PTPRB: variants seen among roughly 807,000 people sequenced by gnomAD.
PTPRB encodes the protein receptor-type tyrosine-protein phosphatase beta.
PTPRB carries 97 observed loss-of-function variants against 238.1 expected under a neutral mutation model. The observed-to-expected ratio is 0.41, with a 90% CI of 0.35 to 0.48. The LOEUF (loss-of-function observed/expected upper bound fraction) is 0.48. Among genes scored for constraint, PTPRB ranks in the 20% least tolerant of loss-of-function variants. The probability of loss-of-function intolerance (pLI) is 0.30; values close to 1 mark genes in which losing one functional copy is unlikely to be tolerated. For missense variants in PTPRB, 2,292 were observed against 2,681.9 expected (o/e 0.85, Z 3.21); for synonymous variants, 970 against 995.4 (o/e 0.97, Z 0.48).
intron 27 of PTPRB, 31 bp downstream of exon 27, chr12:70,538,893 A>T: frequency 6.5e-7 from 1 of 1,540,310 alleles, no homozygotes. Context: ...CTAGAGGAAG[A>T]CAGTATTACA....
At chr12:70,572,153 C>G (rs890595867) in intron 11 of PTPRB, 66 bp from the exon 12 acceptor site, 37 of 1,400,344 alleles carry the variant, frequency 2.6e-5, no homozygotes, top group Non-Finnish European at 3.1e-5. Context: ...TCACAGATGA[C>G]AAGCTGGGAC....
chr12:70,612,858 G>A (rs796846527), intron 3 of PTPRB, among the ~76,000 whole-genome samples: 8 of 152,044 alleles, frequency 5.3e-5, no homozygotes, highest in African/African-American at 1.2e-4. Context: ...GCTGTGGTGC[G>A]TGCCTGTAAT....
intron 21 of PTPRB, among the ~76,000 whole-genome samples, chr12:70,551,330 G>A (rs991455640): frequency 1.3e-5 from 2 of 152,208 alleles, no homozygotes; most frequent in African/African-American, 4.8e-5. Context: ...TGACTAAAAA[G>A]TTTGTGTTTG....
intron 10 of PTPRB, among the ~76,000 whole-genome samples, chr12:70,578,719 T>C (rs1297026557): frequency 1.1e-4 from 16 of 152,220 alleles, no homozygotes; most frequent in Non-Finnish European, 2.1e-4. Flanking sequence ...TAGCACAGAC[T>C]AGACTATTTT....
intron 4 of PTPRB, among the ~76,000 whole-genome samples, chr12:70,597,787 T>C (rs1199895641): frequency 6.6e-6 from 1 of 152,120 alleles, no homozygotes; most frequent in Non-Finnish European, 1.5e-5. Flanking sequence ...AATTTACATA[T>C]AAAAGAAATA....
intron 4 of PTPRB, chr12:70,608,846 A>C: frequency 1.6e-6 from 1 of 629,320 alleles, no homozygotes; most frequent in African/African-American, 1.8e-5. Context: ...CGACCCTTTC[A>C]GTAGCTAGTT....
At chr12:70,616,423 C>T (rs1884683650) in intron 3 of PTPRB, among the ~76,000 whole-genome samples, 1 of 152,130 alleles carries the variant, frequency 6.6e-6, no homozygotes, top group Non-Finnish European at 1.5e-5. Context: ...CTCCTTTTTC[C>T]TGCTTTAGAG....
At chr12:70,533,654 C>T (rs187161808) in intron 31 of PTPRB, among the ~76,000 whole-genome samples, 2 of 152,320 alleles carry the variant, frequency 1.3e-5, no homozygotes, top group East Asian at 3.9e-4. Flanking sequence ...ATCTTCAATG[C>T]AACAGTATTA....
At position 70,581,175 on chromosome 12, in the gene PTPRB, G is replaced by A; in HGVS notation, c.2439C>T (p.Val813=). The change falls in exon 10 of 34, where the codon GTC becomes GTT. Residue 813 remains valine (V), a synonymous_variant. Transcript: ENST00000334414. ...CACTGGAGATGCTTTCATTTTTAAT[G>A]ACCACATTTTCATGGATCAGTAAGA... ...YQVLLIHENV[V]IKNESISSET... is the part of the protein sequence containing the mutation. The A allele has an allele frequency of 6.2e-7, 1 of 1,613,976 alleles. No homozygotes were observed. The highest frequency in any genetic ancestry group is 8.5e-7 in the Non-Finnish European group (1 of 1,179,892).
At chr12:70,556,391 A>T (rs1877686281) in intron 18 of PTPRB, among the ~76,000 whole-genome samples, 1 of 152,138 alleles carries the variant, frequency 6.6e-6, no homozygotes, top group Non-Finnish European at 1.5e-5. Flanking sequence ...GAATGCCTTG[A>T]TGGGCTTATT....
Position 70,583,078 on chromosome 12 carries a change from C to T in PTPRB, c.2312-1776G>A, listed in dbSNP as rs139478700. 1.1e-4 allele frequency among the ~76,000 whole-genome samples: 16 copies of T among 152,080 alleles called. No homozygotes were observed. In the East Asian group the frequency reaches 2.3e-3, roughly 22 times the overall value. Reference sequence around the variant, plus strand: ...TACCATGTACTACATGCTGAGAACACGGAGGAAGTGGAAATTTCATACATT... The same window carrying T: ...TACCATGTACTACATGCTGAGAACATGGAGGAAGTGGAAATTTCATACATT... On this transcript the variant is annotated intron_variant, in intron 9 of 33. Coordinates refer to ENST00000334414, the MANE Select transcript of PTPRB (RefSeq NM_001109754.4).
intron 16 of PTPRB, among the ~76,000 whole-genome samples, chr12:70,562,140 C>T (rs538290535): frequency 6.6e-6 from 1 of 152,172 alleles, no homozygotes; most frequent in African/African-American, 2.4e-5. Flanking sequence ...AAAAGTTTGC[C>T]ATGCATGGTG....
intron 4 of PTPRB, among the ~76,000 whole-genome samples, chr12:70,598,480 A>G (rs1470684364): frequency 6.6e-6 from 1 of 152,144 alleles, no homozygotes; most frequent in Non-Finnish European, 1.5e-5. Context: ...TAACAAAGTC[A>G]TGAGACTTTG....
At chr12:70,620,189 C>T (rs765655660) in intron 3 of PTPRB, among the ~76,000 whole-genome samples, 6 of 152,214 alleles carry the variant, frequency 3.9e-5, no homozygotes, top group Non-Finnish European at 7.4e-5. Context: ...CTCATATAAA[C>T]ACTGCAGTGA....
At chr12:70,522,842 G>A (rs185161937) in intron 33 of PTPRB, among the ~76,000 whole-genome samples, 138 of 148,024 alleles carry the variant, frequency 9.3e-4, no homozygotes, top group African/African-American at 3.1e-3. Context: ...CTCAAAAATA[G>A]CATTCTTTTG....
chr12:70,633,516 A>C (rs1185258861), intron 2 of PTPRB, among the ~76,000 whole-genome samples: 1 of 152,072 alleles, frequency 6.6e-6, no homozygotes, highest in Admixed American at 6.6e-5. Context: ...GGAGCAGAAA[A>C]ATATATCTGT....
intron 2 of PTPRB, among the ~76,000 whole-genome samples, chr12:70,628,649 T>G (rs1296375078): frequency 6.6e-6 from 1 of 152,220 alleles, no homozygotes; most frequent in Non-Finnish European, 1.5e-5. Flanking sequence ...GATAGATTCA[T>G]AAAACTTCAA....
At chr12:70,553,456 C>T (rs560820032) in intron 20 of PTPRB, among the ~76,000 whole-genome samples, 14 of 152,244 alleles carry the variant, frequency 9.2e-5, no homozygotes, top group Middle Eastern at 3.4e-3. Context: ...TGTCCTAGGC[C>T]AGAGCAGTCA....
chr12:70,544,605 GCTTTGTGAATTC>G lies in PTPRB; in HGVS notation c.5434_5445del (p.Glu1812_Lys1815del). The G allele has an allele frequency of 6.2e-7, 1 of 1,610,378 alleles. No homozygotes were observed. The highest frequency in any genetic ancestry group is 8.5e-7 in the Non-Finnish European group (1 of 1,178,744). ...GAAAAAAATGTGTCTGAATAGAGTG[GCTTTGTGAATTC>G]CTTCAGGTCCTCATCAAAGAGCTGT... On this transcript the variant is annotated inframe_deletion, in exon 22 of 34. Transcript: ENST00000334414.
Sources: gnomAD v4.1 joint callset for allele counts (sites outside exome capture counted in the v4.1 genomes callset) on GRCh38, gnomAD v4.1.1 for gene constraint, MANE v1.5 for transcripts, NCBI Gene and HGNC (gene_info 2026-07-23, HGNC 2026-07-21) for gene names.